AGBL4: variants seen among roughly 807,000 people sequenced by gnomAD.
AGBL4 encodes the protein cytosolic carboxypeptidase 6.
AGBL4 carries 58 observed loss-of-function variants against 66.4 expected under a neutral mutation model. The ratio of observed to expected loss-of-function variants is 0.87; its 90% CI spans 0.71 to 1.09. The LOEUF (loss-of-function observed/expected upper bound fraction) is 1.09. Among genes scored for constraint, AGBL4 ranks in the 50% least tolerant of loss-of-function variants. AGBL4 has a pLI of 0.00. For synonymous variants in AGBL4, 234 were observed against 222.9 expected (o/e 1.05, Z -0.44); for missense variants, 579 against 631.0 (o/e 0.92, Z 0.88).
chr1:50,003,425 C>G (rs1329006057), intron 1 of AGBL4, among the ~76,000 whole-genome samples: 2 of 152,178 alleles, frequency 1.3e-5, no homozygotes, highest in Non-Finnish European at 2.9e-5. Flanking sequence ...TAAGCCTTGA[C>G]TTACTATTTT....
At chr1:49,811,362 G>A (rs1465563834) in intron 2 of AGBL4, among the ~76,000 whole-genome samples, 1 of 151,898 alleles carries the variant, frequency 6.6e-6, no homozygotes, top group African/African-American at 2.4e-5. Context: ...AATTTATACA[G>A]CTTTATTTAA....
chr1:48,776,540 C>T lies in AGBL4; in HGVS notation c.634+90651G>A. The T allele has an allele frequency of 4.1e-6, 5 of 1,220,914 alleles. No homozygotes were observed. The South Asian group carries it at 5.4e-5, about 13-fold the overall frequency. The allele number at this position is 1,220,914 out of a possible 1,614,324, so 75.6% of individuals were successfully genotyped here. ...CCCCCCGGTCCCCTCCGCCCGGGCC[C>T]CCGGCCCCTCCCGGGGTCCCAGCCC... On this transcript the variant is annotated intron_variant, in intron 6 of 13. Transcript: ENST00000371839.
intron 3 of AGBL4, among the ~76,000 whole-genome samples, chr1:49,566,752 C>G (rs889324374): frequency 1.3e-5 from 2 of 150,792 alleles, no homozygotes; most frequent in African/African-American, 2.4e-5. Context: ...GTTAGGGACC[C>G]CTTGAGGAGG....
intron 4 of AGBL4, among the ~76,000 whole-genome samples, chr1:49,071,154 C>A (rs1032849037): frequency 6.6e-6 from 1 of 151,714 alleles, no homozygotes; most frequent in Non-Finnish European, 1.5e-5. Flanking sequence ...ATTAGTCTGG[C>A]TTGTGGCCTA....
At chr1:48,624,470 G>T (rs1645466288) in intron 9 of AGBL4, among the ~76,000 whole-genome samples, 1 of 152,194 alleles carries the variant, frequency 6.6e-6, no homozygotes, top group Non-Finnish European at 1.5e-5. Flanking sequence ...AAAGAATAAA[G>T]GAGGCAGACA....
intron 3 of AGBL4, among the ~76,000 whole-genome samples, chr1:49,295,790 C>T (rs1339616993): frequency 6.6e-6 from 1 of 152,134 alleles, no homozygotes; most frequent in African/African-American, 2.4e-5. Flanking sequence ...CTATTTATAT[C>T]AAATCTCAGG....
intron 4 of AGBL4, among the ~76,000 whole-genome samples, chr1:49,077,916 G>T (rs937073863): frequency 1.3e-5 from 2 of 152,074 alleles, no homozygotes; most frequent in African/African-American, 4.8e-5. Context: ...TTAACAGTCA[G>T]CATTTATTAA....
intron 6 of AGBL4, among the ~76,000 whole-genome samples, chr1:48,772,815 G>C (rs1644902409): frequency 6.6e-6 from 1 of 152,152 alleles, no homozygotes; most frequent in Non-Finnish European, 1.5e-5. Context: ...GGTGGAGCTG[G>C]AAAAGAAAAA....
intron 3 of AGBL4, among the ~76,000 whole-genome samples, chr1:49,257,684 G>A (rs554014110): frequency 7.7e-4 from 117 of 152,168 alleles, no homozygotes; most frequent in African/African-American, 1.4e-3. Context: ...ACTGTCCTGC[G>A]CCCACTGTCT....
At chr1:48,952,748 T>C (rs1414912377) in intron 5 of AGBL4, among the ~76,000 whole-genome samples, 1 of 152,188 alleles carries the variant, frequency 6.6e-6, no homozygotes, top group African/African-American at 2.4e-5. Flanking sequence ...TCCCAGGCTA[T>C]AGACCAAGCT....
intron 6 of AGBL4, among the ~76,000 whole-genome samples, chr1:48,779,047 T>A (rs1206253778): frequency 6.6e-6 from 1 of 152,238 alleles, no homozygotes; most frequent in Non-Finnish European, 1.5e-5. Flanking sequence ...GGACTGATCC[T>A]CAGTGAGTTT....
intron 6 of AGBL4, among the ~76,000 whole-genome samples, chr1:48,677,514 G>A (rs890908270): frequency 6.6e-6 from 1 of 152,190 alleles, no homozygotes; most frequent in Admixed American, 6.5e-5. Flanking sequence ...GCGCCAGGGG[G>A]CGCATTACTT....
At chr1:48,696,813 G>C (rs1646720538) in intron 6 of AGBL4, among the ~76,000 whole-genome samples, 1 of 152,152 alleles carries the variant, frequency 6.6e-6, no homozygotes, top group South Asian at 2.1e-4. Context: ...GAAAATGAGA[G>C]GTAGTTGTGC....
chr1:48,876,347 GT>G (rs1426834739), intron 5 of AGBL4, among the ~76,000 whole-genome samples: 3 of 152,130 alleles, frequency 2.0e-5, no homozygotes, highest in Non-Finnish European at 4.4e-5. Flanking sequence ...ATCTTACACA[GT>G]CAGATGGGGG....
intron 11 of AGBL4, chr1:48,583,922 C>T (rs1368236541): frequency 1.3e-5 from 2 of 151,076 alleles, no homozygotes; most frequent in African/African-American, 4.9e-5. Context: ...ATTGAATCGG[C>T]CTGAGCTTCC....
intron 4 of AGBL4, among the ~76,000 whole-genome samples, chr1:49,171,887 A>G (rs1354795380): frequency 6.6e-6 from 1 of 152,240 alleles, no homozygotes; most frequent in East Asian, 1.9e-4. Flanking sequence ...TAAGAGCTAA[A>G]CAAGAATTAT....
At chr1:48,797,586 C>T (rs572499151) in intron 6 of AGBL4, among the ~76,000 whole-genome samples, 1 of 152,120 alleles carries the variant, frequency 6.6e-6, no homozygotes, top group Non-Finnish European at 1.5e-5. Context: ...TTCCATAGTG[C>T]ATGTATATAC....
intron 6 of AGBL4, among the ~76,000 whole-genome samples, chr1:48,802,476 C>T (rs1645832679): frequency 6.6e-6 from 1 of 152,164 alleles, no homozygotes; most frequent in African/African-American, 2.4e-5. Context: ...TTTAATCATT[C>T]CTTTCCTCTC....
chr1:49,824,307 A>G (rs1645449671), intron 2 of AGBL4, among the ~76,000 whole-genome samples: 1 of 152,230 alleles, frequency 6.6e-6, no homozygotes, highest in African/African-American at 2.4e-5. Context: ...ACAGAGAAGT[A>G]CAGGATATGG....
Sources: allele counts gnomAD v4.1 joint callset (sites outside exome capture counted in the v4.1 genomes callset), GRCh38; gene constraint gnomAD v4.1.1; transcripts MANE v1.5; gene names NCBI Gene and HGNC (gene_info 2026-07-23, HGNC 2026-07-21).